The following NTM variants were observed in gnomAD, a reference collection of about 807,000 sequenced individuals.
The protein encoded by NTM is neurotrimin.
In NTM, 13 loss-of-function variants were observed where a neutral mutation model predicts 42.1. The observed-to-expected ratio is 0.31, with a 90% CI of 0.20 to 0.49. NTM has a LOEUF of 0.49. Ranked by LOEUF, NTM falls within the 20% of genes least tolerant of loss-of-function variation. NTM has a pLI of 0.99. For missense variants in NTM, 373 were observed against 452.8 expected, an observed-to-expected ratio of 0.82 and a Z score of 1.60; for synonymous variants, 187 against 179.2, an observed-to-expected ratio of 1.04 and a Z score of -0.35.
In NTM at chr11:132,251,471, C is replaced by T. The variant is rs2091929436; in HGVS notation, c.526+39324C>T. On this transcript the variant is annotated intron_variant, in intron 4 of 8. Transcript: ENST00000683400. ...GGGAGGGTAGCCTGAATAACCTAAT[C>T]TGCAGTACCTGTTTAAACCACATCG... 2.0e-5 allele frequency among the ~76,000 whole-genome samples: 3 copies of T among 152,332 alleles called. No individual in the cohort carries two copies. In the South Asian group the frequency reaches 6.2e-4, roughly 32 times the overall value.
At chr11:132,291,840 G>A (rs2094459328) in intron 4 of NTM, among the ~76,000 whole-genome samples, 1 of 152,216 alleles carries the variant, frequency 6.6e-6, no homozygotes, top group Admixed American at 6.5e-5. Context: ...TGGACACATG[G>A]AAGTCATTCA....
intron 1 of NTM, among the ~76,000 whole-genome samples, chr11:131,763,979 T>C (rs930525158): frequency 6.6e-6 from 1 of 152,084 alleles, no homozygotes; most frequent in African/African-American, 2.4e-5. Context: ...ATTATTTCTA[T>C]TTGTTTAATT....
chr11:132,146,169 G>A lies in NTM; in HGVS notation c.168-113G>A. 2 of 1,458,552 alleles carry A rather than the reference G, an allele frequency of 1.4e-6. No homozygotes were observed. Among genetic ancestry groups the A allele is most frequent in the South Asian group, 1.4e-5 (1 of 72,452 alleles). The allele number at this position is 1,458,552 out of a possible 1,614,324, so 90.4% of individuals were successfully genotyped here. A position where few individuals can be genotyped will look rare whatever the true frequency, so the allele number is the denominator to read the frequency against. On this transcript the variant is annotated intron_variant, in intron 2 of 8. Transcript: ENST00000683400. The surrounding 1 kb of genome is among the most constrained non-coding windows in gnomAD (Gnocchi z 4.5). ...CCCTGACAAATCAAAGGAAATGTAT[G>A]TGTTGGGGGAAGGGAGAAAGACAAG...
At chr11:131,886,247 A>G (rs2050371680) in intron 1 of NTM, among the ~76,000 whole-genome samples, 3 of 152,168 alleles carry the variant, frequency 2.0e-5, no homozygotes, top group South Asian at 4.1e-4. Flanking sequence ...GGTTCACGCC[A>G]TGAAAACCAC....
intron 3 of NTM, among the ~76,000 whole-genome samples, chr11:132,196,839 G>A (rs2080301444): frequency 6.6e-6 from 1 of 152,128 alleles, no homozygotes; most frequent in Non-Finnish European, 1.5e-5. Context: ...GTCACTACCT[G>A]GGTGACTGGA....
intron 1 of NTM, among the ~76,000 whole-genome samples, chr11:131,800,895 T>A (rs902057462): frequency 6.6e-6 from 1 of 152,196 alleles, no homozygotes; most frequent in Non-Finnish European, 1.5e-5. Context: ...GAATCACAGC[T>A]GCCCACCATA....
At chr11:131,948,482 T>C (rs999804614) in intron 2 of NTM, among the ~76,000 whole-genome samples, 8 of 152,174 alleles carry the variant, frequency 5.3e-5, no homozygotes, top group Non-Finnish European at 1.2e-4. Context: ...ACTGAATCGG[T>C]GGTGCTCCTC....
chr11:132,047,329 C>A (rs2078160272), intron 2 of NTM, among the ~76,000 whole-genome samples: 1 of 152,192 alleles, frequency 6.6e-6, no homozygotes, highest in East Asian at 1.9e-4. Context: ...TTCTGAATAT[C>A]CCTTATGAAT....
intron 1 of NTM, among the ~76,000 whole-genome samples, chr11:131,524,394 T>C (rs2050177185): frequency 6.6e-6 from 1 of 152,154 alleles, no homozygotes; most frequent in Non-Finnish European, 1.5e-5. Context: ...TGCTGCACTC[T>C]GTTAGTATAG....
At chr11:131,670,483 C>A (rs546985418) in intron 1 of NTM, among the ~76,000 whole-genome samples, 1 of 151,982 alleles carries the variant, frequency 6.6e-6, no homozygotes, top group Non-Finnish European at 1.5e-5. Flanking sequence ...CTGTCTGTTT[C>A]GTTCCCATTT....
chr11:131,909,611 T>A (rs2054386944), intron 1 of NTM: 1 of 152,312 alleles, frequency 6.6e-6, no homozygotes. Flanking sequence ...GCATTATTAA[T>A]GTCACCACCA....
intron 3 of NTM, among the ~76,000 whole-genome samples, chr11:132,158,764 C>G (rs1380576770): frequency 1.3e-5 from 2 of 152,250 alleles, no homozygotes; most frequent in Admixed American, 1.3e-4. Flanking sequence ...TTTGGTCCCT[C>G]TAGTCTCAGA....
intron 4 of NTM, among the ~76,000 whole-genome samples, chr11:132,257,091 G>A (rs528369143): frequency 2.0e-5 from 3 of 152,304 alleles, no homozygotes; most frequent in African/African-American, 2.4e-5. Context: ...ATCAAAGCGC[G>A]CTCTGGCACC....
chr11:132,070,144 T>C (rs1159777681), intron 2 of NTM, among the ~76,000 whole-genome samples: 3 of 130,854 alleles, frequency 2.3e-5, no homozygotes, highest in African/African-American at 9.1e-5. Flanking sequence ...CACAGCCAAG[T>C]TAACACGTCA....
chr11:132,277,740 C>T (rs2093785143), intron 4 of NTM, among the ~76,000 whole-genome samples: 1 of 151,902 alleles, frequency 6.6e-6, no homozygotes. Context: ...TTCAAATATT[C>T]CAACAAATAA....
At chr11:132,095,827 C>T (rs2060908266) in intron 2 of NTM, among the ~76,000 whole-genome samples, 1 of 152,212 alleles carries the variant, frequency 6.6e-6, no homozygotes, top group Non-Finnish European at 1.5e-5. Context: ...CTGCCCAGAG[C>T]AGATTTGGCT....
At chr11:131,815,622 C>T (rs1183218290) in intron 1 of NTM, among the ~76,000 whole-genome samples, 1 of 152,110 alleles carries the variant, frequency 6.6e-6, no homozygotes, top group African/African-American at 2.4e-5. Flanking sequence ...TTACCCAACC[C>T]CCACTTCCCC....
intron 1 of NTM, among the ~76,000 whole-genome samples, chr11:131,558,778 G>T (rs1344846180): frequency 2.0e-5 from 3 of 152,126 alleles, no homozygotes; most frequent in African/African-American, 4.8e-5. Flanking sequence ...AGGAGAAGGG[G>T]TGCCATCCCC....
intron 3 of NTM, among the ~76,000 whole-genome samples, chr11:132,178,121 G>A (rs189628307): frequency 3.4e-4 from 52 of 152,256 alleles, no homozygotes; most frequent in Non-Finnish European, 4.1e-4. Flanking sequence ...GCTGATAGAC[G>A]TCTTAGATAA....
Sources: allele counts gnomAD v4.1 joint callset (sites outside exome capture counted in the v4.1 genomes callset), GRCh38; gene constraint gnomAD v4.1.1; non-coding constraint Gnocchi (gnomAD v3.1); transcripts MANE v1.5; gene names NCBI Gene and HGNC (gene_info 2026-07-23, HGNC 2026-07-21).